SLIT3: variants seen among roughly 807,000 people sequenced by gnomAD.
The protein encoded by SLIT3 is slit guidance ligand 3, also known as slit homolog 3 protein.
A neutral mutation model predicts 184.0 loss-of-function variants in SLIT3; 68 were observed. That is an observed-to-expected ratio of 0.37 (90% CI 0.30 to 0.45). The LOEUF is 0.45. SLIT3 is among the 20% of genes least tolerant of loss of function. The pLI is 1.00. For missense variants in SLIT3, 1,707 were observed against 2,026.0 expected (o/e 0.84, Z 3.02); for synonymous variants, 831 against 828.6 (o/e 1.00, Z -0.05).
chr5:168,917,521 T>TC (rs1409900783), intron 4 of SLIT3, among the ~76,000 whole-genome samples: 1 of 152,194 alleles, frequency 6.6e-6, no homozygotes, highest in Non-Finnish European at 1.5e-5. Flanking sequence ...ACAAGACACA[T>TC]CTTGATGCAG....
chr5:169,151,533 G>A (rs945983784), intron 4 of SLIT3, among the ~76,000 whole-genome samples: 4 of 152,220 alleles, frequency 2.6e-5, no homozygotes, highest in Non-Finnish European at 5.9e-5. Context: ...GAGCTTCCTT[G>A]AGAGTACACA....
chr5:168,722,862 AG>A, intron 22 of SLIT3, 70 bp downstream of exon 22: 1 of 1,164,944 alleles, frequency 8.6e-7, no homozygotes, highest in Non-Finnish European at 1.3e-6. Flanking sequence ...TCCTGCTGGG[AG>A]GGAGGGAAAG....
At chr5:168,797,974 A>C (rs1365401755) in intron 9 of SLIT3, among the ~76,000 whole-genome samples, 1 of 152,170 alleles carries the variant, frequency 6.6e-6, no homozygotes, top group African/African-American at 2.4e-5. Context: ...CCCAGGGCTC[A>C]CACACAGAGA....
intron 5 of SLIT3, among the ~76,000 whole-genome samples, chr5:168,858,458 T>A (rs930246291): frequency 6.6e-6 from 1 of 152,256 alleles, no homozygotes; most frequent in Non-Finnish European, 1.5e-5. Flanking sequence ...TTGGGGAAAG[T>A]AAGGTCCTTT....
chr5:169,068,752 A>T (rs1312207122), intron 4 of SLIT3, among the ~76,000 whole-genome samples: 1 of 151,998 alleles, frequency 6.6e-6, no homozygotes, highest in African/African-American at 2.4e-5. Context: ...CACACAACAC[A>T]ACCCACCCAG....
chr5:168,708,854 T>A (rs1355962346), intron 25 of SLIT3, among the ~76,000 whole-genome samples: 1 of 152,116 alleles, frequency 6.6e-6, no homozygotes, highest in Non-Finnish European at 1.5e-5. Context: ...AACTTGGAGA[T>A]GGGCTGAGAT....
intron 34 of SLIT3, among the ~76,000 whole-genome samples, chr5:168,670,864 T>C (rs1761217275): frequency 6.6e-6 from 1 of 152,226 alleles, no homozygotes; most frequent in Admixed American, 6.5e-5. Context: ...ACCTGGTGCC[T>C]TGCACAGGCT....
intron 33 of SLIT3, among the ~76,000 whole-genome samples, chr5:168,672,866 G>T (rs1335491536): frequency 6.6e-6 from 1 of 152,122 alleles, no homozygotes; most frequent in Admixed American, 6.5e-5. Flanking sequence ...AGAGCAGAGG[G>T]AATATGACCT....
intron 4 of SLIT3, among the ~76,000 whole-genome samples, chr5:169,058,801 A>G (rs1019284400): frequency 1.3e-5 from 2 of 152,240 alleles, no homozygotes; most frequent in African/African-American, 2.4e-5. Flanking sequence ...GATGAAATCT[A>G]AATGGAAGGC....
chr5:169,295,595 A>T (rs1424244732), intron 1 of SLIT3, among the ~76,000 whole-genome samples: 1 of 152,206 alleles, frequency 6.6e-6, no homozygotes, highest in East Asian at 1.9e-4. Flanking sequence ...ATTCAAACCC[A>T]CAGTCGTCTG....
At chr5:168,956,577 G>C (rs1762834541) in intron 4 of SLIT3, among the ~76,000 whole-genome samples, 1 of 151,644 alleles carries the variant, frequency 6.6e-6, no homozygotes, top group South Asian at 2.1e-4. Flanking sequence ...GGGCAGATCA[G>C]GAGGTCAAGA....
intron 4 of SLIT3, among the ~76,000 whole-genome samples, chr5:168,953,902 G>A (rs755849854): frequency 6.6e-6 from 1 of 152,160 alleles, no homozygotes; most frequent in Non-Finnish European, 1.5e-5. Context: ...TGCTGCCGGC[G>A]GCTGAGCACT....
At chr5:169,190,654 TA>T (rs558754882) in intron 4 of SLIT3, among the ~76,000 whole-genome samples, 3 of 152,246 alleles carry the variant, frequency 2.0e-5, no homozygotes, top group South Asian at 2.1e-4. Flanking sequence ...ATAAGACTAA[TA>T]AAAAAAGTAG....
At chr5:169,014,469 C>T (rs1395750464) in intron 4 of SLIT3, among the ~76,000 whole-genome samples, 1 of 152,184 alleles carries the variant, frequency 6.6e-6, no homozygotes, top group Non-Finnish European at 1.5e-5. Context: ...CAGGGCTTTT[C>T]TTTGGCTGAA....
chr5:168,925,680 A>G (rs1233156373), intron 4 of SLIT3, among the ~76,000 whole-genome samples: 4 of 150,808 alleles, frequency 2.7e-5, no homozygotes, highest in Non-Finnish European at 5.9e-5. Flanking sequence ...AAAAAAAAAA[A>G]GAGGGGGAGG....
intron 16 of SLIT3, among the ~76,000 whole-genome samples, chr5:168,759,198 G>A (rs771632667): frequency 1.3e-5 from 2 of 152,168 alleles, no homozygotes; most frequent in Non-Finnish European, 2.9e-5. Context: ...GTTGTATACA[G>A]TTGCTGGGAA....
chr5:168,761,017 T>C, intron 15 of SLIT3, 81 bp from the exon 16 acceptor site: 1 of 1,022,206 alleles, frequency 9.8e-7, no homozygotes, highest in Non-Finnish European at 1.5e-6. Flanking sequence ...GCTGCATTGC[T>C]GCCTGAACCT....
At chr5:168,856,957 T>C (rs1404935324) in intron 5 of SLIT3, among the ~76,000 whole-genome samples, 1 of 151,896 alleles carries the variant, frequency 6.6e-6, no homozygotes, top group Non-Finnish European at 1.5e-5. Context: ...GCTACGGACG[T>C]GCGACGGCTC....
chr5:169,107,065 G>A (rs1031270225), intron 4 of SLIT3, among the ~76,000 whole-genome samples: 4 of 152,232 alleles, frequency 2.6e-5, no homozygotes, highest in Non-Finnish European at 2.9e-5. Flanking sequence ...GCTGCTGGGC[G>A]TCCTTGCAGC....
Sources: allele counts gnomAD v4.1 joint callset (sites outside exome capture counted in the v4.1 genomes callset), GRCh38; gene constraint gnomAD v4.1.1; transcripts MANE v1.5; gene names NCBI Gene and HGNC (gene_info 2026-07-23, HGNC 2026-07-21).